MTUS2: variants seen among roughly 807,000 people sequenced by gnomAD.
The protein encoded by MTUS2 is microtubule associated scaffold protein 2, also known as microtubule-associated tumor suppressor candidate 2.
MTUS2 carries 40 observed loss-of-function variants against 114.1 expected under a neutral mutation model. The ratio of observed to expected loss-of-function variants is 0.35; its 90% CI spans 0.27 to 0.46. The LOEUF (loss-of-function observed/expected upper bound fraction) is 0.46. Ranked by LOEUF, MTUS2 falls within the 20% of genes least tolerant of loss-of-function variation. The pLI is 1.00. For synonymous variants in MTUS2, 688 were observed against 672.0 expected, an observed-to-expected ratio of 1.02 and a Z score of -0.37; for missense variants, 1,679 against 1,705.4, an observed-to-expected ratio of 0.98 and a Z score of 0.27.
At chr13:29,258,093 G>A (rs1276620678) in intron 5 of MTUS2, among the ~76,000 whole-genome samples, 1 of 152,222 alleles carries the variant, frequency 6.6e-6, no homozygotes, top group Non-Finnish European at 1.5e-5. Flanking sequence ...CTATTGAGTA[G>A]CTCACATGCA....
At chr13:28,828,724 T>C (rs1197101422) in intron 1 of MTUS2, among the ~76,000 whole-genome samples, 1 of 152,142 alleles carries the variant, frequency 6.6e-6, no homozygotes, top group Non-Finnish European at 1.5e-5. Flanking sequence ...ACCAAGACAC[T>C]TAGTAATACA....
At chr13:29,038,360 A>G (rs1056117935) in intron 4 of MTUS2, among the ~76,000 whole-genome samples, 2 of 152,168 alleles carry the variant, frequency 1.3e-5, no homozygotes, top group Admixed American at 6.5e-5. Context: ...CCTGGGTATC[A>G]CCAGTGGAGG....
At chr13:28,967,414 A>C (rs1015859672) in intron 2 of MTUS2, among the ~76,000 whole-genome samples, 9 of 152,254 alleles carry the variant, frequency 5.9e-5, no homozygotes, top group African/African-American at 1.4e-4. Context: ...TGTGTCTTCT[A>C]CCCCACCTAT....
At chr13:28,906,935 C>G (rs1349517693) in intron 2 of MTUS2, among the ~76,000 whole-genome samples, 2 of 151,270 alleles carry the variant, frequency 1.3e-5, no homozygotes, top group Non-Finnish European at 2.9e-5. Flanking sequence ...AGAGCAACTC[C>G]AAGACACATA....
At chr13:29,386,312 C>T (rs576710578) in intron 8 of MTUS2, among the ~76,000 whole-genome samples, 1 of 152,222 alleles carries the variant, frequency 6.6e-6, no homozygotes, top group African/African-American at 2.4e-5. Flanking sequence ...GACTTATAGC[C>T]CATGGGCACG....
chr13:29,202,459 T>G (rs1422834552), intron 5 of MTUS2, among the ~76,000 whole-genome samples: 1 of 152,184 alleles, frequency 6.6e-6, no homozygotes, highest in African/African-American at 2.4e-5. Context: ...ACATGCTTCT[T>G]TAGCTCATAG....
At chr13:29,130,238 C>T (rs1229167224) in intron 5 of MTUS2, among the ~76,000 whole-genome samples, 4 of 152,162 alleles carry the variant, frequency 2.6e-5, no homozygotes, top group Admixed American at 2.6e-4. Flanking sequence ...ATCTCCAGCT[C>T]TTTCTTTGAC....
At chr13:29,054,218 T>C (rs1201132996) in intron 4 of MTUS2, among the ~76,000 whole-genome samples, 1 of 152,186 alleles carries the variant, frequency 6.6e-6, no homozygotes, top group African/African-American at 2.4e-5. Context: ...TCTTCTTTGG[T>C]GAAGTGTGTG....
chr13:28,900,598 AGTT>A (rs1196342396), intron 2 of MTUS2, among the ~76,000 whole-genome samples: 7 of 152,212 alleles, frequency 4.6e-5, no homozygotes, highest in Non-Finnish European at 1.0e-4. Context: ...CATTATTCCA[AGTT>A]GTTGTATCAA....
chr13:29,122,845 C>A (rs1158121906), intron 5 of MTUS2, among the ~76,000 whole-genome samples: 1 of 152,186 alleles, frequency 6.6e-6, no homozygotes, highest in Non-Finnish European at 1.5e-5. Flanking sequence ...CTGGCTCTCT[C>A]CTTCAATCCT....
At chr13:29,172,107 G>A (rs1893588091) in intron 5 of MTUS2, among the ~76,000 whole-genome samples, 1 of 152,244 alleles carries the variant, frequency 6.6e-6, no homozygotes. Flanking sequence ...GAGAGAAAAG[G>A]TGATTGTGGT....
intron 4 of MTUS2, among the ~76,000 whole-genome samples, chr13:29,057,993 T>A (rs1042144067): frequency 6.6e-6 from 1 of 152,174 alleles, no homozygotes; most frequent in Non-Finnish European, 1.5e-5. Flanking sequence ...GGTAACAAAT[T>A]CCCTTTGCAT....
At position 29,503,442 on chromosome 13, in the gene MTUS2, A is replaced by C; in HGVS notation, c.*236A>C. ...TTTTACCATAGTTAGAGCCAAAAGA[A>C]AGACACTTGCAATTGTTCTTGAGCA... On this transcript the variant is annotated 3_prime_UTR_variant, in exon 16 of 16. Coordinates refer to ENST00000612955, the MANE Select transcript of MTUS2 (RefSeq NM_001033602.4). The C allele has an allele frequency of 1.7e-6, 1 of 587,006 alleles. No homozygotes were observed. Among genetic ancestry groups the C allele is most frequent in the Non-Finnish European group, 3.0e-6 (1 of 329,452 alleles). 36.4% of individuals were successfully genotyped at this position (587,006 alleles called of 1,614,324 possible).
chr13:29,071,364 T>G (rs1024217007), intron 4 of MTUS2, among the ~76,000 whole-genome samples: 2 of 150,558 alleles, frequency 1.3e-5, no homozygotes, highest in Middle Eastern at 6.8e-3. Flanking sequence ...CAAATTTCTC[T>G]GAGGATACTA....
chr13:29,189,735 T>C (rs1894370595), intron 5 of MTUS2, among the ~76,000 whole-genome samples: 1 of 152,182 alleles, frequency 6.6e-6, no homozygotes, highest in Admixed American at 6.5e-5. Flanking sequence ...AGGTGGACTT[T>C]AAGAAGTTAC....
At chr13:29,404,548 C>T (rs1478615549) in intron 8 of MTUS2, among the ~76,000 whole-genome samples, 1 of 152,074 alleles carries the variant, frequency 6.6e-6, no homozygotes. Flanking sequence ...TCATCCCTCT[C>T]CACAGATACA....
chr13:29,470,387 A>G (rs987800695), intron 9 of MTUS2, among the ~76,000 whole-genome samples: 2 of 152,172 alleles, frequency 1.3e-5, no homozygotes, highest in Admixed American at 6.5e-5. Context: ...TTCCACTGTA[A>G]GATTACTGTC....
At chr13:29,482,543 G>T (rs902921695) in intron 10 of MTUS2, among the ~76,000 whole-genome samples, 8 of 152,172 alleles carry the variant, frequency 5.3e-5, no homozygotes, top group African/African-American at 1.9e-4. Context: ...ATTCACCTGT[G>T]CAAAGAATAT....
At chr13:28,861,878 G>A (rs74337154) in intron 2 of MTUS2, among the ~76,000 whole-genome samples, 3,692 of 152,162 alleles carry the variant, frequency 0.024, 149 homozygotes, top group African/African-American at 0.085. Context: ...TCCCTGACCC[G>A]TCCCTAAAGA....
Sources: allele counts gnomAD v4.1 joint callset (sites outside exome capture counted in the v4.1 genomes callset), GRCh38; gene constraint gnomAD v4.1.1; transcripts MANE v1.5; gene names NCBI Gene and HGNC (gene_info 2026-07-23, HGNC 2026-07-21).